The following TPRG1 variants were observed in gnomAD, a reference collection of about 807,000 sequenced individuals.
The protein encoded by TPRG1 is tumor protein p63 regulated 1, also known as tumor protein p63-regulated gene 1 protein.
A neutral mutation model predicts 29.3 loss-of-function variants in TPRG1; 29 were observed. The observed-to-expected ratio is 0.99, with a 90% CI of 0.74 to 1.35. The LOEUF (loss-of-function observed/expected upper bound fraction) is 1.35. Ranked by LOEUF, TPRG1 falls within the 40% of genes most tolerant of loss-of-function variation. The probability of loss-of-function intolerance (pLI) is 0.00; values close to 1 mark genes in which losing one functional copy is unlikely to be tolerated. For missense variants in TPRG1, 327 were observed against 335.0 expected (o/e 0.98, Z 0.19); for synonymous variants, 130 against 116.8 (o/e 1.11, Z -0.73).
At chr3:189,317,476 G>A (rs376909551) in intron 5 of TPRG1, among the ~76,000 whole-genome samples, 18 of 152,250 alleles carry the variant, frequency 1.2e-4, no homozygotes, top group Admixed American at 2.0e-4. Flanking sequence ...CATTCACAGC[G>A]TGTATACAAA....
At chr3:189,172,672 G>T (rs1175449539) in intron 1 of TPRG1, among the ~76,000 whole-genome samples, 1 of 152,162 alleles carries the variant, frequency 6.6e-6, no homozygotes, top group African/African-American at 2.4e-5. Flanking sequence ...GAATTCATCT[G>T]AGGGAAATTT....
chr3:189,174,551 G>A (rs565892807), intron 1 of TPRG1, among the ~76,000 whole-genome samples: 2 of 152,200 alleles, frequency 1.3e-5, no homozygotes, highest in East Asian at 1.9e-4. Flanking sequence ...CTCTTTCAAC[G>A]GAAACCTAGT....
At chr3:189,070,677 T>TA (rs1201628468) in intron 4 of TPRG1, among the ~76,000 whole-genome samples, 5 of 152,232 alleles carry the variant, frequency 3.3e-5, no homozygotes, top group East Asian at 1.9e-4. Flanking sequence ...ACAGTTTTAT[T>TA]AAAAAAATTC....
chr3:189,270,043 C>G (rs185968648), intron 4 of TPRG1, among the ~76,000 whole-genome samples: 2 of 151,326 alleles, frequency 1.3e-5, no homozygotes, highest in East Asian at 3.9e-4. Flanking sequence ...TCTTCTTCTT[C>G]TTCTTCTTCT....
At chr3:189,216,054 C>T (rs866663627) in intron 3 of TPRG1, among the ~76,000 whole-genome samples, 7 of 152,232 alleles carry the variant, frequency 4.6e-5, no homozygotes, top group Middle Eastern at 3.4e-3. Context: ...TCTCTTTACC[C>T]GCCAAGTAAA....
chr3:189,268,926 G>A (rs780359523), intron 4 of TPRG1, among the ~76,000 whole-genome samples: 4 of 152,034 alleles, frequency 2.6e-5, no homozygotes, highest in Non-Finnish European at 4.4e-5. Flanking sequence ...ATTGAATGTT[G>A]GCTTTTCAAG....
intron 5 of TPRG1, among the ~76,000 whole-genome samples, chr3:189,166,690 G>A (rs1425227877): frequency 1.3e-5 from 2 of 152,154 alleles, no homozygotes; most frequent in Non-Finnish European, 2.9e-5. Context: ...CTTCGTTTGT[G>A]TGTTTAAATT....
At chr3:189,098,890 C>G (rs1243965056), upstream of TPRG1, among the ~76,000 whole-genome samples, 1 of 152,092 alleles carries the variant, frequency 6.6e-6, no homozygotes, top group Non-Finnish European at 1.5e-5. Flanking sequence ...AGTCCTGAAC[C>G]CTTGTCACCC....
intron 3 of TPRG1, among the ~76,000 whole-genome samples, chr3:189,017,984 T>C (rs1380842344): frequency 6.6e-6 from 1 of 151,226 alleles, no homozygotes; most frequent in Admixed American, 6.6e-5. Flanking sequence ...TGGCCAGTGA[T>C]GGTGAGCATT....
intron 5 of TPRG1, among the ~76,000 whole-genome samples, chr3:189,311,419 G>A (rs771280001): frequency 6.6e-6 from 1 of 152,108 alleles, no homozygotes; most frequent in East Asian, 1.9e-4. Context: ...TGTGGTTGAT[G>A]GCATATATTA....
At chr3:189,190,692 G>A (rs1452471864) in intron 1 of TPRG1, among the ~76,000 whole-genome samples, 1 of 152,148 alleles carries the variant, frequency 6.6e-6, no homozygotes, top group Non-Finnish European at 1.5e-5. Flanking sequence ...CACAAAAATT[G>A]TGTAGAGTAA....
intron 2 of TPRG1, among the ~76,000 whole-genome samples, chr3:189,212,798 C>G (rs1735477786): frequency 6.6e-6 from 1 of 152,152 alleles, no homozygotes; most frequent in Non-Finnish European, 1.5e-5. Context: ...TCCTGTTTAG[C>G]TAAGGAGCTC....
intron 4 of TPRG1, among the ~76,000 whole-genome samples, chr3:189,038,119 A>G (rs1714393054): frequency 6.6e-6 from 1 of 151,924 alleles, no homozygotes; most frequent in Non-Finnish European, 1.5e-5. Flanking sequence ...GCAAAAAGGA[A>G]TACCTTCCCT....
At chr3:189,024,209 C>G (rs1419637503) in intron 4 of TPRG1, among the ~76,000 whole-genome samples, 2 of 152,224 alleles carry the variant, frequency 1.3e-5, no homozygotes, top group Non-Finnish European at 2.9e-5. Context: ...GCTGGAGGCC[C>G]TGGCTGGGAG....
chr3:189,019,502 G>A (rs535101624), intron 3 of TPRG1, among the ~76,000 whole-genome samples: 21 of 152,298 alleles, frequency 1.4e-4, no homozygotes, highest in African/African-American at 5.1e-4. Context: ...TATGGTTTTT[G>A]TCTTTGGCTC....
chr3:189,292,434 T>G (rs563591754), intron 4 of TPRG1, among the ~76,000 whole-genome samples: 19 of 152,276 alleles, frequency 1.2e-4, no homozygotes, highest in Non-Finnish European at 2.1e-4. Flanking sequence ...ACATACTATT[T>G]TGGTGACCTT....
At chr3:189,157,265 C>G (rs1297449503) in intron 5 of TPRG1, among the ~76,000 whole-genome samples, 2 of 152,238 alleles carry the variant, frequency 1.3e-5, no homozygotes, top group Non-Finnish European at 2.9e-5. Context: ...GGAGCAGGCA[C>G]TGACCTACTT....
intron 4 of TPRG1, among the ~76,000 whole-genome samples, chr3:189,061,242 T>A (rs1261228869): frequency 6.6e-6 from 1 of 152,218 alleles, no homozygotes; most frequent in African/African-American, 2.4e-5. Context: ...TGGATAGCCA[T>A]ATGCAGAAGA....
At chr3:189,250,425 GT>G (rs1349624166) in intron 4 of TPRG1, among the ~76,000 whole-genome samples, 2 of 141,388 alleles carry the variant, frequency 1.4e-5, no homozygotes, top group Non-Finnish European at 3.0e-5. Context: ...CAGTCTTATT[GT>G]TAGGTTCTAA....
Sources: allele counts gnomAD v4.1 joint callset (sites outside exome capture counted in the v4.1 genomes callset), GRCh38; gene constraint gnomAD v4.1.1; transcripts MANE v1.5; gene names NCBI Gene and HGNC (gene_info 2026-07-23, HGNC 2026-07-21).